DIAPH3: variants seen among roughly 807,000 people sequenced by gnomAD.
DIAPH3 encodes protein diaphanous homolog 3.
DIAPH3 carries 117 observed loss-of-function variants against 144.3 expected under a neutral mutation model. The observed-to-expected ratio is 0.81, with a 90% CI of 0.70 to 0.95. DIAPH3 has a LOEUF of 0.95. DIAPH3 is among the 40% of genes least tolerant of loss of function. DIAPH3 has a pLI of 0.00. For missense variants in DIAPH3, 1,421 were observed against 1,412.7 expected (o/e 1.01, Z -0.09); for synonymous variants, 519 against 488.9 (o/e 1.06, Z -0.81).
Position 59,983,182 on chromosome 13 carries a change from G to A in DIAPH3, c.1480+587C>T, listed in dbSNP as rs757439112. On this transcript the variant is annotated intron_variant, in intron 13 of 27. Transcript: ENST00000400324. ...AAACTCTCAAGTTATAGAAGCCATC[G>A]TCTGTATGAGTCATTCCAAGTTTAA... is the stretch of plus-strand genomic sequence containing the variant. Among the ~76,000 whole-genome samples the A allele has an allele frequency of 3.2e-5, 4 of 125,218 alleles. 1 individual carries two copies. The highest frequency in any genetic ancestry group is 4.5e-4 in the East Asian group (2 of 4,422). The allele number at this position is 125,218 out of a possible 152,430, so 82.1% of individuals were successfully genotyped here.
chr13:60,026,667 A>AT (rs2054395307), intron 5 of DIAPH3, among the ~76,000 whole-genome samples: 1 of 152,028 alleles, frequency 6.6e-6, no homozygotes, highest in Non-Finnish European at 1.5e-5. Context: ...GCTTTAAGCA[A>AT]CTTTTTTAAC....
intron 1 of DIAPH3, among the ~76,000 whole-genome samples, chr13:60,133,568 A>T (rs1190042340): frequency 1.3e-5 from 2 of 152,298 alleles, no homozygotes; most frequent in Admixed American, 1.3e-4. Flanking sequence ...TTGATTTATC[A>T]TGAGTGGTGA....
intron 3 of DIAPH3, among the ~76,000 whole-genome samples, chr13:60,097,307 T>C (rs571881356): frequency 6.6e-6 from 1 of 152,160 alleles, no homozygotes; most frequent in Non-Finnish European, 1.5e-5. Context: ...AGCTCCCTCA[T>C]GAATAGATTA....
Position 59,861,420 on chromosome 13 carries a change from G to C in DIAPH3, c.2724C>G (p.Asp908Glu), listed in dbSNP as rs758450237. 7.4e-6 allele frequency: 12 copies of C among 1,613,704 alleles called. No homozygotes were observed. Among genetic ancestry groups the C allele is most frequent in the Non-Finnish European group, 1.0e-5 (12 of 1,179,864 alleles). ...AAAGGCACAAACCTTTACTAGCTTT[G>C]TCTAAAGGTTCCAAATCATCCACAA... ...LNFVDDLEPL[D>E]KASKVSVETL... Residue 908 changes from aspartate (D) to glutamate (E), a missense_variant, in exon 22 of 28, where the codon GAC becomes GAG. Transcript: ENST00000400324.
chr13:60,038,912 T>C (rs1163770099), intron 5 of DIAPH3, among the ~76,000 whole-genome samples: 1 of 152,130 alleles, frequency 6.6e-6, no homozygotes, highest in Non-Finnish European at 1.5e-5. Context: ...TCTACCTTTT[T>C]ATGTTTCTAC....
In DIAPH3 at chr13:59,812,236, T is replaced by TCATG. The variant is rs1180723544; in HGVS notation, c.3028-1317_3028-1314dup. Among the ~76,000 whole-genome samples the TCATG allele has an allele frequency of 7.0e-3, 613 of 87,182 alleles. 1 individual carries two copies. The highest frequency in any genetic ancestry group is 0.011 in the South Asian group (27 of 2,500). The allele number at this position is 87,182 out of a possible 152,430, so 57.2% of individuals were successfully genotyped here. On this transcript the variant is annotated intron_variant, in intron 24 of 27. Coordinates refer to ENST00000400324, the MANE Select transcript of DIAPH3 (RefSeq NM_001042517.2). ...AGCACAGAGTAGAGGGGACAGTAAC[T>TCATG]CATGCATGCATGCATCCATCCATCC...
chr13:59,714,223 A>G (rs535058205), intron 27 of DIAPH3, among the ~76,000 whole-genome samples: 170 of 150,770 alleles, frequency 1.1e-3, no homozygotes, highest in South Asian at 5.5e-3. Context: ...AGCCGGGCGT[A>G]GTGGCGGGCG....
intron 27 of DIAPH3, among the ~76,000 whole-genome samples, chr13:59,675,866 G>A (rs972558824): frequency 6.6e-6 from 1 of 152,166 alleles, no homozygotes; most frequent in Non-Finnish European, 1.5e-5. Flanking sequence ...ACTTCCCAAG[G>A]ATGAAGAGGC....
chr13:60,053,304 TATCCCC>T (rs2056430596), intron 4 of DIAPH3, among the ~76,000 whole-genome samples: 1 of 152,120 alleles, frequency 6.6e-6, no homozygotes, highest in Admixed American at 6.6e-5. Context: ...TAGAAAGCCT[TATCCCC>T]TGTGGTATCA....
intron 4 of DIAPH3, among the ~76,000 whole-genome samples, chr13:60,054,517 C>CT (rs1476140950): frequency 1.3e-5 from 2 of 151,960 alleles, no homozygotes; most frequent in African/African-American, 4.8e-5. Flanking sequence ...CATTAATTAA[C>CT]TGCCTCAGTT....
Position 59,983,764 on chromosome 13 carries a change from C to T in DIAPH3, c.1480+5G>A, listed in dbSNP as rs1422560922. ...GATATTTCTATTTAAATAATAAATACTCACCTACAAACTGGGTTAAATCTA... is the reference window on the plus strand; with the variant it reads ...GATATTTCTATTTAAATAATAAATATTCACCTACAAACTGGGTTAAATCTA... On this transcript the variant is annotated splice_donor_5th_base_variant and intron_variant, in intron 13 of 27. Transcript: ENST00000400324. 2.0e-6 allele frequency: 3 copies of T among 1,530,220 alleles called. No individual in the cohort carries two copies. Among genetic ancestry groups the T allele is most frequent in the Admixed American group, 3.4e-5 (2 of 59,580 alleles). 94.8% of individuals were successfully genotyped at this position (1,530,220 alleles called of 1,614,324 possible).
intron 4 of DIAPH3, among the ~76,000 whole-genome samples, chr13:60,080,224 A>G (rs2137798821): frequency 6.6e-6 from 1 of 151,966 alleles, no homozygotes; most frequent in South Asian, 2.1e-4. Context: ...TATTTCAGTG[A>G]TTTTCTTAGT....
chr13:59,742,617 AAG>A (rs1323099711), intron 27 of DIAPH3, among the ~76,000 whole-genome samples: 4 of 151,966 alleles, frequency 2.6e-5, no homozygotes, highest in Non-Finnish European at 5.9e-5. Context: ...AAAAGAAGAA[AAG>A]AGAAAAAAGA....
chr13:59,740,948 G>A lies in DIAPH3; in HGVS notation c.3319+33241C>T, dbSNP rs372747806. Among the ~76,000 whole-genome samples, 12 of 152,298 alleles carry A rather than the reference G, an allele frequency of 7.9e-5. No individual in the cohort carries two copies. In the East Asian group the frequency reaches 2.3e-3, roughly 29 times the overall value. On this transcript the variant is annotated intron_variant, in intron 27 of 27. Transcript: ENST00000400324. ...AGGAATCTATGCCCAAGGCTGGGAA[G>A]AGAAAAGAAACAATAAGGATGATGA...
intron 9 of DIAPH3, among the ~76,000 whole-genome samples, chr13:60,003,421 T>C (rs1341984321): frequency 6.6e-6 from 1 of 151,928 alleles, no homozygotes; most frequent in Non-Finnish European, 1.5e-5. Context: ...TGAGAAACCC[T>C]GTCTGATGTT....
intron 22 of DIAPH3, among the ~76,000 whole-genome samples, chr13:59,857,920 T>C (rs1161772237): frequency 2.6e-5 from 4 of 151,972 alleles, no homozygotes; most frequent in East Asian, 1.9e-4. Context: ...AGAAAAGATA[T>C]CCAAAGAAGG....
At chr13:59,967,581 AATGTCT>A in intron 17 of DIAPH3, among the ~76,000 whole-genome samples, 1 of 152,106 alleles carries the variant, frequency 6.6e-6, no homozygotes, top group African/African-American at 2.4e-5. Flanking sequence ...TTTCCTATTA[AATGTCT>A]ATATAAAATC....
At chr13:59,903,215 T>C (rs1290541602) in intron 20 of DIAPH3, among the ~76,000 whole-genome samples, 3 of 152,242 alleles carry the variant, frequency 2.0e-5, no homozygotes, top group Non-Finnish European at 4.4e-5. Flanking sequence ...GACTGAACTC[T>C]GGGAAACATG....
intron 5 of DIAPH3, among the ~76,000 whole-genome samples, chr13:60,028,580 C>T (rs1427758083): frequency 3.3e-5 from 5 of 152,114 alleles, no homozygotes; most frequent in Non-Finnish European, 2.9e-5. Flanking sequence ...AGAACTTGTT[C>T]TGACCGCTCA....
Sources: gnomAD v4.1 joint callset for allele counts (sites outside exome capture counted in the v4.1 genomes callset) on GRCh38, gnomAD v4.1.1 for gene constraint, MANE v1.5 for transcripts, NCBI Gene and HGNC (gene_info 2026-07-23, HGNC 2026-07-21) for gene names.